Variants in CRPPA observed in about 807,000 individuals in gnomAD.
CRPPA encodes the protein D-ribitol-5-phosphate cytidylyltransferase.
In CRPPA, 43 loss-of-function variants were observed where a neutral mutation model predicts 52.0. The observed-to-expected ratio is 0.83, with a 90% CI of 0.65 to 1.07. The LOEUF (loss-of-function observed/expected upper bound fraction) is 1.07, where lower values mean the gene tolerates loss of function less well. CRPPA is among the 50% of genes least tolerant of loss of function. The pLI is 0.00. For synonymous variants in CRPPA, 250 were observed against 203.5 expected, an observed-to-expected ratio of 1.23 and a Z score of -1.94; for missense variants, 629 against 551.7, an observed-to-expected ratio of 1.14 and a Z score of -1.40.
At chr7:16,171,509 G>T (rs1781186129) in intron 9 of CRPPA, among the ~76,000 whole-genome samples, 1 of 152,088 alleles carries the variant, frequency 6.6e-6, no homozygotes, top group Non-Finnish European at 1.5e-5. Context: ...TCTCAGGCCT[G>T]TAATCCCAGC....
intron 9 of CRPPA, among the ~76,000 whole-genome samples, chr7:16,188,707 A>G (rs1265641159): frequency 6.6e-6 from 1 of 152,180 alleles, no homozygotes; most frequent in Non-Finnish European, 1.5e-5. Context: ...TCAGTAAATA[A>G]TACTCATCAA....
At chr7:16,238,847 GC>G in intron 8 of CRPPA, among the ~76,000 whole-genome samples, 1 of 152,038 alleles carries the variant, frequency 6.6e-6, no homozygotes, top group Non-Finnish European at 1.5e-5. Flanking sequence ...AGAAAAAGAA[GC>G]CATTTAGGTC....
Position 16,089,716 on chromosome 7 carries a change from T to A in CRPPA, c.*1979A>T. On this transcript the variant is annotated 3_prime_UTR_variant, in exon 10 of 10. Coordinates refer to ENST00000407010, the MANE Select transcript of CRPPA (RefSeq NM_001101426.4). The stretch of plus-strand genomic sequence containing the variant: ...TTTTTTCCAGGCACAACTTAATATT[T>A]TATTAACTAAATTATACTAAATGTT... 5.1e-6 allele frequency: 1 copy of A among 197,212 alleles called. No individual in the cohort carries two copies. Among genetic ancestry groups the A allele is most frequent in the Non-Finnish European group, 1.1e-5 (1 of 90,838 alleles). The allele number at this position is 197,212 out of a possible 1,614,324, so 12.2% of individuals were successfully genotyped here.
chr7:16,377,553 A>G (rs1451929283), intron 2 of CRPPA, among the ~76,000 whole-genome samples: 1 of 152,232 alleles, frequency 6.6e-6, no homozygotes, highest in Non-Finnish European at 1.5e-5. Context: ...AAACTAGTGA[A>G]AAGTATTTTA....
intron 9 of CRPPA, among the ~76,000 whole-genome samples, chr7:16,136,953 A>G (rs1253891906): frequency 2.6e-5 from 4 of 152,248 alleles, no homozygotes. Context: ...TTTTTTAGAA[A>G]CTATATTAAA....
At chr7:16,253,337 T>C (rs1783513645) in intron 8 of CRPPA, among the ~76,000 whole-genome samples, 1 of 152,226 alleles carries the variant, frequency 6.6e-6, no homozygotes. Context: ...AGAACATCTG[T>C]ATTTCTGCCT....
chr7:16,162,971 C>CT (rs1780941520), intron 9 of CRPPA, among the ~76,000 whole-genome samples: 6 of 125,970 alleles, frequency 4.8e-5, no homozygotes, highest in South Asian at 2.4e-4. Context: ...CTTTTTCTTT[C>CT]TCTTTTTTTT....
intron 9 of CRPPA, chr7:16,208,940 C>A: frequency 8.2e-6 from 3 of 364,922 alleles, no homozygotes; most frequent in East Asian, 6.8e-5. Context: ...AGCATTCCCA[C>A]AAACGTGGTG....
In CRPPA at chr7:16,217,915, C is replaced by T. The variant is rs1044503416; in HGVS notation, c.1120-1718G>A. Among the ~76,000 whole-genome samples the T allele has an allele frequency of 1.3e-3, 194 of 151,734 alleles. 5 individuals carry two copies. In the East Asian group the frequency reaches 0.033, roughly 26 times the overall value. ...TCCCCAATCTAGCAAGGCAGGCCAACGTTCAGATTCAGGAAATACAGAGAA... is the reference window on the plus strand; with the variant it reads ...TCCCCAATCTAGCAAGGCAGGCCAATGTTCAGATTCAGGAAATACAGAGAA... On this transcript the variant is annotated intron_variant, in intron 8 of 9. Coordinates refer to ENST00000407010, the MANE Select transcript of CRPPA (RefSeq NM_001101426.4).
chr7:16,186,331 T>C (rs1315910344), intron 9 of CRPPA, among the ~76,000 whole-genome samples: 1 of 152,060 alleles, frequency 6.6e-6, no homozygotes, highest in East Asian at 1.9e-4. Context: ...AAAGGGAGAA[T>C]AGTACCCTTG....
intron 9 of CRPPA, among the ~76,000 whole-genome samples, chr7:16,213,284 T>A (rs1056025252): frequency 3.3e-5 from 5 of 152,234 alleles, no homozygotes; most frequent in African/African-American, 9.6e-5. Context: ...GTTTGCTTAA[T>A]AATGAAAAGT....
intron 2 of CRPPA, among the ~76,000 whole-genome samples, chr7:16,377,612 G>C (rs966719551): frequency 1.3e-5 from 2 of 152,154 alleles, no homozygotes; most frequent in African/African-American, 4.8e-5. Context: ...TTCAGCAAAT[G>C]AAGAAACATT....
intron 5 of CRPPA, among the ~76,000 whole-genome samples, chr7:16,295,163 G>T (rs1027218122): frequency 1.3e-5 from 2 of 152,000 alleles, no homozygotes; most frequent in African/African-American, 4.8e-5. Flanking sequence ...TATCGGTATA[G>T]TTTTTCAGAA....
chr7:16,179,889 A>G (rs1397248168), intron 9 of CRPPA, among the ~76,000 whole-genome samples: 1 of 152,170 alleles, frequency 6.6e-6, no homozygotes. Context: ...AAGAATGACC[A>G]GCAATAGCAG....
chr7:16,227,990 G>A (rs1180646096), intron 8 of CRPPA, among the ~76,000 whole-genome samples: 1 of 151,714 alleles, frequency 6.6e-6, no homozygotes, highest in Non-Finnish European at 1.5e-5. Flanking sequence ...AACATTTATT[G>A]AAGAGATTGT....
intron 9 of CRPPA, among the ~76,000 whole-genome samples, chr7:16,141,011 TA>T (rs1351834955): frequency 6.6e-6 from 1 of 152,080 alleles, no homozygotes; most frequent in Admixed American, 6.6e-5. Flanking sequence ...TTGCCTAGAG[TA>T]AACCTTCCCC....
intron 8 of CRPPA, among the ~76,000 whole-genome samples, chr7:16,221,607 C>G (rs1234897127): frequency 3.3e-5 from 5 of 151,766 alleles, no homozygotes; most frequent in Admixed American, 2.0e-4. Context: ...AAGAAAAAAA[C>G]AAACAACCCC....
At chr7:16,295,659 C>T (rs1784656741) in intron 5 of CRPPA, among the ~76,000 whole-genome samples, 1 of 151,968 alleles carries the variant, frequency 6.6e-6, no homozygotes, top group Admixed American at 6.6e-5. Context: ...GAATACTGAC[C>T]TTCATGCCAG....
rs74453870 is a variant in CRPPA at position 16,316,715 on chromosome 7, T to C, written c.685-8088A>G. 2.4e-3 allele frequency among the ~76,000 whole-genome samples: 366 copies of C among 152,110 alleles called. 1 individual carries two copies. Among genetic ancestry groups the C allele is most frequent in the African/African-American group, 8.6e-3 (357 of 41,526 alleles). The stretch of plus-strand genomic sequence containing the variant: ...TACAAAAAAGGTAAAATATTAGTCA[T>C]GTGTTGGGGTGCGTTCCTGTAGTCC... On this transcript the variant is annotated intron_variant, in intron 3 of 9. Transcript: ENST00000407010.
Sources: gnomAD v4.1 joint callset for allele counts (sites outside exome capture counted in the v4.1 genomes callset) on GRCh38, gnomAD v4.1.1 for gene constraint, MANE v1.5 for transcripts, NCBI Gene and HGNC (gene_info 2026-07-23, HGNC 2026-07-21) for gene names.